Variants in WDPCP observed in about 807,000 individuals in gnomAD.
WDPCP encodes WD repeat-containing and planar cell polarity effector protein fritz homolog.
Under a neutral mutation model 93.1 loss-of-function variants are expected in WDPCP, and 71 were observed. That is an observed-to-expected ratio of 0.76 (90% CI 0.63 to 0.93). The LOEUF (loss-of-function observed/expected upper bound fraction) is 0.93. Among genes scored for constraint, WDPCP ranks in the 40% least tolerant of loss-of-function variants. The pLI is 0.00. For synonymous variants in WDPCP, 315 were observed against 315.0 expected (o/e 1.00, Z 0.00); for missense variants, 844 against 887.4 (o/e 0.95, Z 0.62).
chr2:63,401,307 C>T (rs1694131959), intron 10 of WDPCP, among the ~76,000 whole-genome samples: 1 of 152,070 alleles, frequency 6.6e-6, no homozygotes, highest in Admixed American at 6.6e-5. Flanking sequence ...AAGAACAAAA[C>T]AAACAACCCC....
intron 2 of WDPCP, among the ~76,000 whole-genome samples, chr2:63,783,131 G>A (rs1332325859): frequency 6.6e-6 from 1 of 152,034 alleles, no homozygotes; most frequent in Non-Finnish European, 1.5e-5. Flanking sequence ...AAAGATACCT[G>A]GCCAGGCACA....
In WDPCP at chr2:63,484,638, A is replaced by G; in HGVS notation, c.350T>C (p.Val117Ala). 6.2e-7 allele frequency: 1 copy of G among 1,612,956 alleles called. No homozygotes were observed. The highest frequency in any genetic ancestry group is 8.5e-7 in the Non-Finnish European group (1 of 1,179,260). The stretch of plus-strand genomic sequence containing the variant: ...ATATTTGTTCTTCCATTTGCTCAGC[A>G]CACACCGACTGTTTTGCATCAGCTC... ...LEELMQNSRC[V>A]LSKWKNKYVC... is the part of the protein sequence containing the mutation. Residue 117 changes from valine (V) to alanine (A), a missense_variant, in exon 6 of 18, where the codon GTG (valine) becomes GCG (alanine). Coordinates refer to ENST00000272321, the MANE Select transcript of WDPCP (RefSeq NM_015910.7).
chr2:63,414,956 C>A (rs1363952503), intron 9 of WDPCP, among the ~76,000 whole-genome samples: 1 of 152,164 alleles, frequency 6.6e-6, no homozygotes, highest in Non-Finnish European at 1.5e-5. Context: ...TCTTAAAAGC[C>A]AGTCAAGGCC....
chr2:63,723,138 C>T (rs1669450559), intron 2 of WDPCP, among the ~76,000 whole-genome samples: 1 of 151,858 alleles, frequency 6.6e-6, no homozygotes, highest in African/African-American at 2.4e-5. Context: ...CCCAGGGACA[C>T]AAACACTGCG....
At chr2:63,327,188 T>C (rs1319605929) in intron 12 of WDPCP, among the ~76,000 whole-genome samples, 4 of 152,200 alleles carry the variant, frequency 2.6e-5, no homozygotes, top group African/African-American at 4.8e-5. Context: ...GAAACTCTTG[T>C]AGAAGCAGAC....
rs1424469826 is a variant in WDPCP at position 63,119,956 on chromosome 2, T to C, written c.*2050A>G. On this transcript the variant is annotated 3_prime_UTR_variant, in exon 18 of 18. Transcript: ENST00000272321. ...TCTGTACATTTAACTTTTCTAGAGG[T>C]ATGTGAAGTGGGGAAAATGGGTACT... is the stretch of plus-strand genomic sequence containing the variant. Among the ~76,000 whole-genome samples, 1 of 152,194 alleles carries C rather than the reference T, an allele frequency of 6.6e-6. No homozygotes were observed. Among genetic ancestry groups the C allele is most frequent in the African/African-American group, 2.4e-5 (1 of 41,446 alleles).
chr2:63,298,006 A>G (rs1685004095), intron 13 of WDPCP, among the ~76,000 whole-genome samples: 2 of 152,164 alleles, frequency 1.3e-5, no homozygotes, highest in African/African-American at 4.8e-5. Context: ...GGGAGAAAAA[A>G]TGGCCAAAGG....
At chr2:63,635,074 C>A (rs994549100) in intron 3 of WDPCP, among the ~76,000 whole-genome samples, 4 of 152,030 alleles carry the variant, frequency 2.6e-5, no homozygotes, top group African/African-American at 9.7e-5. Flanking sequence ...TACAAAGGAT[C>A]ATAGGCAACT....
chr2:63,660,985 A>G (rs980602224), intron 2 of WDPCP, among the ~76,000 whole-genome samples: 5 of 152,238 alleles, frequency 3.3e-5, no homozygotes, highest in African/African-American at 1.2e-4. Flanking sequence ...AAATCCTGTT[A>G]TAATCTCTCA....
chr2:63,647,310 G>A (rs1385863642), intron 3 of WDPCP, among the ~76,000 whole-genome samples: 1 of 152,002 alleles, frequency 6.6e-6, no homozygotes, highest in East Asian at 1.9e-4. Flanking sequence ...GCTAATTTTT[G>A]TATTTTTAGT....
intron 14 of WDPCP, among the ~76,000 whole-genome samples, chr2:63,201,698 T>G (rs1675926141): frequency 6.6e-6 from 1 of 152,206 alleles, no homozygotes; most frequent in Non-Finnish European, 1.5e-5. Context: ...TTAAGTTTCT[T>G]ATTCTCTTCT....
intron 1 of WDPCP, among the ~76,000 whole-genome samples, chr2:63,578,421 G>C (rs1026332269): frequency 3.9e-5 from 6 of 152,156 alleles, no homozygotes; most frequent in Non-Finnish European, 7.3e-5. Context: ...TATATCTATA[G>C]TAGCAACTTA....
intron 12 of WDPCP, among the ~76,000 whole-genome samples, chr2:63,363,012 C>T (rs970445338): frequency 1.5e-4 from 23 of 151,974 alleles, no homozygotes; most frequent in African/African-American, 4.8e-4. Flanking sequence ...CAAAGAACAA[C>T]TTAATTACCA....
chr2:63,606,153 G>C, intron 3 of WDPCP: 1 of 902,942 alleles, frequency 1.1e-6, no homozygotes, highest in Non-Finnish European at 1.8e-6. Flanking sequence ...AGGGCAAGGT[G>C]GCAAGATTGC....
chr2:63,465,496 G>C (rs1332059125), intron 6 of WDPCP, among the ~76,000 whole-genome samples: 1 of 152,070 alleles, frequency 6.6e-6, no homozygotes, highest in African/African-American at 2.4e-5. Flanking sequence ...AGTACCATTT[G>C]TGTCTCTCTA....
intron 12 of WDPCP, among the ~76,000 whole-genome samples, chr2:63,370,759 G>A (rs1691309090): frequency 6.6e-6 from 1 of 151,710 alleles, no homozygotes; most frequent in South Asian, 2.1e-4. Flanking sequence ...GAAATTTTCA[G>A]TTTTCCCCAT....
At chr2:63,724,956 C>G (rs1218656317) in intron 2 of WDPCP, among the ~76,000 whole-genome samples, 6 of 152,188 alleles carry the variant, frequency 3.9e-5, no homozygotes, top group Non-Finnish European at 5.9e-5. Context: ...CATATCCATT[C>G]TCCTACGGGA....
chr2:63,466,596 T>G (rs1699359871), intron 6 of WDPCP, among the ~76,000 whole-genome samples: 1 of 152,224 alleles, frequency 6.6e-6, no homozygotes, highest in Non-Finnish European at 1.5e-5. Context: ...AAATCAGTAC[T>G]AGTATTTAAA....
At chr2:63,365,036 T>A (rs936730834) in intron 12 of WDPCP, among the ~76,000 whole-genome samples, 2 of 152,214 alleles carry the variant, frequency 1.3e-5, no homozygotes, top group East Asian at 3.8e-4. Flanking sequence ...AGAGGCAGGT[T>A]GTAATTTGCT....
Sources: gnomAD v4.1 joint callset for allele counts (sites outside exome capture counted in the v4.1 genomes callset) on GRCh38, gnomAD v4.1.1 for gene constraint, MANE v1.5 for transcripts, NCBI Gene and HGNC (gene_info 2026-07-23, HGNC 2026-07-21) for gene names.